The following GRIK4 variants were observed in gnomAD, a reference collection of about 807,000 sequenced individuals.
GRIK4 encodes glutamate receptor ionotropic, kainate 4.
In GRIK4, 40 loss-of-function variants were observed where a neutral mutation model predicts 104.9. The ratio of observed to expected loss-of-function variants is 0.38; its 90% CI spans 0.30 to 0.50. The LOEUF is 0.50. GRIK4 is among the 20% of genes least tolerant of loss of function. GRIK4 has a pLI of 0.93. For synonymous variants in GRIK4, 485 were observed against 524.9 expected (o/e 0.92, Z 1.04); for missense variants, 1,047 against 1,308.1 (o/e 0.80, Z 3.08).
intron 1 of GRIK4, among the ~76,000 whole-genome samples, chr11:120,532,004 C>T (rs1468703779): frequency 6.6e-6 from 1 of 152,164 alleles, no homozygotes; most frequent in Non-Finnish European, 1.5e-5. Flanking sequence ...CAAATGGAGA[C>T]CCTCCCCCTG....
intron 13 of GRIK4, chr11:120,936,234 G>T: frequency 2.2e-6 from 1 of 447,490 alleles, no homozygotes; most frequent in East Asian, 6.6e-5. Flanking sequence ...TTTTCATATG[G>T]CCGCTAGTCA....
intron 1 of GRIK4, among the ~76,000 whole-genome samples, chr11:120,573,870 T>C (rs1382477578): frequency 2.6e-5 from 4 of 152,164 alleles, no homozygotes; most frequent in Non-Finnish European, 5.9e-5. Context: ...CTTGGGTCCT[T>C]CCACATCCCA....
At position 120,927,061 on chromosome 11, in the gene GRIK4, C is replaced by G. The variant is rs74594005; in HGVS notation, c.1477-13286C>G. On this transcript the variant is annotated intron_variant, in intron 13 of 20. Coordinates refer to ENST00000527524, the MANE Select transcript of GRIK4 (RefSeq NM_014619.5). The stretch of plus-strand genomic sequence containing the variant: ...GAGGGGAAAGAGTAAACTCCAAGAC[C>G]CCAAGGTGGAAAGTGAACTTGTCAT... Among the ~76,000 whole-genome samples, 7 of 152,096 alleles carry G rather than the reference C, an allele frequency of 4.6e-5. No individual in the cohort carries two copies. In the East Asian group the frequency reaches 1.4e-3, roughly 29 times the overall value.
At chr11:120,684,683 CGGT>C (rs1950247721) in intron 3 of GRIK4, among the ~76,000 whole-genome samples, 1 of 151,710 alleles carries the variant, frequency 6.6e-6, no homozygotes, top group Admixed American at 6.6e-5. Flanking sequence ...TTACCTGACA[CGGT>C]GATTCATCTT....
At chr11:120,635,882 C>G (rs964729276) in intron 1 of GRIK4, among the ~76,000 whole-genome samples, 3 of 152,198 alleles carry the variant, frequency 2.0e-5, no homozygotes, top group African/African-American at 7.2e-5. Flanking sequence ...CCCTTATAGC[C>G]AGCACCTGGG....
chr11:120,955,392 C>A (rs1236992501), intron 15 of GRIK4, among the ~76,000 whole-genome samples: 2 of 152,214 alleles, frequency 1.3e-5, no homozygotes, highest in Non-Finnish European at 2.9e-5. Context: ...ACAGTGGGAA[C>A]ACTAAGTGCA....
intron 1 of GRIK4, among the ~76,000 whole-genome samples, chr11:120,526,013 G>A (rs1204822196): frequency 1.3e-5 from 2 of 152,164 alleles, no homozygotes; most frequent in African/African-American, 2.4e-5. Flanking sequence ...TTTTCAGTAC[G>A]TACTGTGTGA....
chr11:120,740,884 C>T (rs562914216), intron 3 of GRIK4, among the ~76,000 whole-genome samples: 14 of 152,246 alleles, frequency 9.2e-5, no homozygotes, highest in African/African-American at 3.4e-4. Flanking sequence ...ACCATAGAGA[C>T]GAGGCATGTT....
At chr11:120,776,229 G>A (rs578133218) in intron 3 of GRIK4, among the ~76,000 whole-genome samples, 3 of 152,178 alleles carry the variant, frequency 2.0e-5, no homozygotes, top group African/African-American at 7.2e-5. Flanking sequence ...AACTGACTGC[G>A]TGCTCACATC....
intron 3 of GRIK4, among the ~76,000 whole-genome samples, chr11:120,792,772 T>G (rs943461934): frequency 2.6e-5 from 4 of 152,126 alleles, no homozygotes; most frequent in Non-Finnish European, 5.9e-5. Context: ...ACTTTGGGTC[T>G]TCCTAAATTT....
intron 1 of GRIK4, chr11:120,620,397 G>A (rs141362347): frequency 7.1e-5 from 38 of 538,138 alleles, no homozygotes; most frequent in East Asian, 5.2e-4. Context: ...GTACTGCCCC[G>A]TAGCTACCAT....
At position 120,604,549 on chromosome 11, in the gene GRIK4, G is replaced by A. The variant is rs533953569; in HGVS notation, c.-158-49136G>A. 8.8e-4 allele frequency among the ~76,000 whole-genome samples: 134 copies of A among 152,316 alleles called. 1 individual carries two copies. Among genetic ancestry groups the A allele is most frequent in the East Asian group, 2.9e-3 (15 of 5,184 alleles). On this transcript the variant is annotated intron_variant, in intron 1 of 20. Coordinates refer to ENST00000527524, the MANE Select transcript of GRIK4 (RefSeq NM_014619.5). ...CAGATAGGAGAGGGTCACAGTCATC[G>A]CCCAGCAGTGGGAACTGTGACCTGA...
At chr11:120,596,477 G>A (rs887011931) in intron 1 of GRIK4, among the ~76,000 whole-genome samples, 4 of 152,214 alleles carry the variant, frequency 2.6e-5, no homozygotes, top group African/African-American at 9.6e-5. Context: ...GACTGGAGAA[G>A]GACAGAGTGG....
intron 3 of GRIK4, among the ~76,000 whole-genome samples, chr11:120,772,222 A>G (rs1951959501): frequency 6.6e-6 from 1 of 152,218 alleles, no homozygotes; most frequent in Admixed American, 6.5e-5. Flanking sequence ...TAAAAAACAA[A>G]CAAACAAACA....
chr11:120,661,880 C>A (rs1949823870), intron 3 of GRIK4, among the ~76,000 whole-genome samples: 1 of 152,200 alleles, frequency 6.6e-6, no homozygotes, highest in Non-Finnish European at 1.5e-5. Context: ...CTTCTCCGTT[C>A]ATTTTTACAG....
At chr11:120,962,366 C>A in intron 17 of GRIK4, 90 bp from the exon 18 acceptor site, 1 of 792,258 alleles carries the variant, frequency 1.3e-6, no homozygotes, top group Non-Finnish European at 2.1e-6. Flanking sequence ...GAAGGGCCGG[C>A]ATCTTAAGGT....
chr11:120,811,576 G>A (rs79954367), intron 4 of GRIK4, among the ~76,000 whole-genome samples: 5,479 of 152,260 alleles, frequency 0.036, 331 homozygotes, highest in African/African-American at 0.12. Context: ...ACGGGCCATA[G>A]TTAACACTCA....
At chr11:120,749,257 C>T (rs1335656983) in intron 3 of GRIK4, among the ~76,000 whole-genome samples, 2 of 152,056 alleles carry the variant, frequency 1.3e-5, no homozygotes, top group African/African-American at 2.4e-5. Flanking sequence ...AGACACAGAT[C>T]ACTCCAGGAC....
At chr11:120,644,554 T>G (rs1344579348) in intron 1 of GRIK4, among the ~76,000 whole-genome samples, 1 of 152,208 alleles carries the variant, frequency 6.6e-6, no homozygotes, top group Non-Finnish European at 1.5e-5. Context: ...GGAATACCTA[T>G]GCCAGTTGCT....
Sources: gnomAD v4.1 joint callset for allele counts (sites outside exome capture counted in the v4.1 genomes callset) on GRCh38, gnomAD v4.1.1 for gene constraint, MANE v1.5 for transcripts, NCBI Gene and HGNC (gene_info 2026-07-23, HGNC 2026-07-21) for gene names.